Variants in COL4A1 observed in about 807,000 individuals in gnomAD.
COL4A1 encodes the protein collagen alpha-1(IV) chain.
A neutral mutation model predicts 216.6 loss-of-function variants in COL4A1; 40 were observed. The observed-to-expected ratio is 0.18, with a 90% confidence interval of 0.14 to 0.24. The LOEUF (loss-of-function observed/expected upper bound fraction) is 0.24. Among genes scored for constraint, COL4A1 ranks in the 10% least tolerant of loss-of-function variants. The pLI, the probability that COL4A1 is intolerant of heterozygous loss-of-function variation, is 1.00. For missense variants in COL4A1, 1,628 were observed against 2,196.8 expected, an observed-to-expected ratio of 0.74 and a Z score of 5.18; for synonymous variants, 839 against 810.7, an observed-to-expected ratio of 1.03 and a Z score of -0.59.
chr13:110,252,917 G>A (rs1338452634), intron 1 of COL4A1, among the ~76,000 whole-genome samples: 6 of 5,394 alleles, frequency 1.1e-3, no homozygotes, highest in African/African-American at 3.0e-3. Flanking sequence ...ATAACTATAA[G>A]TACGTATGTA....
intron 1 of COL4A1, among the ~76,000 whole-genome samples, chr13:110,248,882 C>T (rs1213139797): frequency 1.3e-5 from 2 of 152,170 alleles, no homozygotes; most frequent in Admixed American, 6.5e-5. Flanking sequence ...ATGCAGCAGG[C>T]ACTCACACTT....
chr13:110,257,839 C>T (rs1882646655), intron 1 of COL4A1, among the ~76,000 whole-genome samples: 1 of 152,222 alleles, frequency 6.6e-6, no homozygotes, highest in Non-Finnish European at 1.5e-5. Context: ...GCTACAACTT[C>T]AGGAACTCTT....
chr13:110,189,958 T>C (rs1878561290), intron 24 of COL4A1, among the ~76,000 whole-genome samples: 1 of 152,170 alleles, frequency 6.6e-6, no homozygotes, highest in Non-Finnish European at 1.5e-5. Flanking sequence ...GCAATATTCA[T>C]CCATTAAAAA....
intron 26 of COL4A1, among the ~76,000 whole-genome samples, chr13:110,184,315 G>A (rs918395043): frequency 1.3e-5 from 2 of 152,150 alleles, no homozygotes; most frequent in Non-Finnish European, 2.9e-5. Flanking sequence ...CAAAAGAAAA[G>A]CTAATTCCCT....
chr13:110,174,275 C>A (rs952326500), intron 39 of COL4A1, among the ~76,000 whole-genome samples, 171 bp downstream of exon 39: 1 of 152,168 alleles, frequency 6.6e-6, no homozygotes, highest in Non-Finnish European at 1.5e-5. Context: ...AGTGACAAGA[C>A]CTCAGAAAGA....
At chr13:110,198,734 C>T in intron 20 of COL4A1, 103 bp from the exon 21 acceptor site, 1 of 1,484,780 alleles carries the variant, frequency 6.7e-7, no homozygotes, top group South Asian at 1.1e-5. Context: ...TCCAACCAGA[C>T]CATCACTGAA....
intron 15 of COL4A1, 49 bp from the exon 16 acceptor site, chr13:110,205,587 G>T (rs186146235): frequency 1.3e-6 from 2 of 1,599,126 alleles, no homozygotes; most frequent in Non-Finnish European, 1.7e-6. Flanking sequence ...AATAGACTGC[G>T]CGCGGTGGCT....
At chr13:110,163,931 A>G (rs989582731) in intron 46 of COL4A1, among the ~76,000 whole-genome samples, 21 of 149,322 alleles carry the variant, frequency 1.4e-4, no homozygotes, top group Non-Finnish European at 2.5e-4. Context: ...CAACATGGAT[A>G]GTTTTTTTGT....
intron 1 of COL4A1, among the ~76,000 whole-genome samples, chr13:110,247,221 A>G (rs61963304): frequency 0.13 from 19,749 of 152,210 alleles, 1,438 homozygotes; most frequent in Non-Finnish European, 0.17. Flanking sequence ...AATGGAAGCC[A>G]AACTGACTTA....
chr13:110,166,153 C>G lies in COL4A1; in HGVS notation c.4021+79G>C. On this transcript the variant is annotated intron_variant, in intron 45 of 51. Coordinates refer to ENST00000375820, the MANE Select transcript of COL4A1 (RefSeq NM_001845.6). ...CATTTCACATATGAAAAACCAAACACCCCAATTCTGTGCATTCCTGGCTTT... is the reference window on the plus strand; with the variant it reads ...CATTTCACATATGAAAAACCAAACAGCCCAATTCTGTGCATTCCTGGCTTT... 4 of 869,388 alleles carry G rather than the reference C, an allele frequency of 4.6e-6. No individual in the cohort carries two copies. In the South Asian group the frequency reaches 5.2e-5, roughly 11 times the overall value. The allele number at this position is 869,388 out of a possible 1,614,324, so 53.9% of individuals were successfully genotyped here. A position where few individuals can be genotyped will look rare whatever the true frequency, so the allele number is the denominator to read the frequency against.
At chr13:110,173,814 G>T in intron 40 of COL4A1, 86 bp downstream of exon 40, 1 of 1,511,434 alleles carries the variant, frequency 6.6e-7, no homozygotes, top group Non-Finnish European at 9.2e-7. Context: ...TCTGTGCCCA[G>T]CTTTATTCAC....
intron 5 of COL4A1, 31 bp downstream of exon 5, chr13:110,212,543 A>T (rs200528028): frequency 6.2e-7 from 1 of 1,614,222 alleles, no homozygotes; most frequent in Non-Finnish European, 8.5e-7. Flanking sequence ...AATATTTCAT[A>T]AAAGAAGTAG....
chr13:110,242,649 T>C (rs773784795), intron 2 of COL4A1, 26 bp downstream of exon 2: 1 of 1,613,446 alleles, frequency 6.2e-7, no homozygotes, highest in South Asian at 1.1e-5. Flanking sequence ...CAAAGAAATG[T>C]TGTGATTTAA....
intron 1 of COL4A1, among the ~76,000 whole-genome samples, chr13:110,301,363 T>A (rs74124096): frequency 0.1 from 15,684 of 152,224 alleles, 1,154 homozygotes; most frequent in African/African-American, 0.2. Flanking sequence ...TAAAAAGAAG[T>A]TATGTCCTGG....
chr13:110,242,528 G>A, intron 2 of COL4A1, 147 bp downstream of exon 2: 1 of 859,024 alleles, frequency 1.2e-6, no homozygotes, highest in South Asian at 1.3e-5. Context: ...GTCAAGCCTG[G>A]TTTGGCTTCA....
intron 1 of COL4A1, chr13:110,265,487 G>GCTTT (rs1196786605): frequency 1.3e-5 from 2 of 152,260 alleles, no homozygotes; most frequent in Non-Finnish European, 2.9e-5. Context: ...CGACACATGT[G>GCTTT]CTTTCACCAG....
intron 1 of COL4A1, among the ~76,000 whole-genome samples, chr13:110,249,795 C>T (rs12430280): frequency 0.14 from 20,761 of 152,140 alleles, 1,518 homozygotes; most frequent in South Asian, 0.17. Context: ...ACTTAAAAAA[C>T]AGTAAAATAT....
intron 2 of COL4A1, among the ~76,000 whole-genome samples, chr13:110,220,978 G>C (rs1246564142): frequency 6.6e-6 from 1 of 152,190 alleles, no homozygotes; most frequent in Non-Finnish European, 1.5e-5. Context: ...GGTCCACCCT[G>C]TGCTCAGCGA....
In COL4A1 at chr13:110,172,700, G is replaced by C. The variant is rs770957023; in HGVS notation, c.3556+20C>G. ...AGCAGCGGTTGGTTGAAAAGGAAGA[G>C]CACAGTGAGCAAAGATTACCTTTGT... On this transcript the variant is annotated intron_variant, in intron 41 of 51. Transcript: ENST00000375820. The C allele has an allele frequency of 6.2e-7, 1 of 1,611,898 alleles. No individual in the cohort carries two copies. The highest frequency in any genetic ancestry group is 8.5e-7 in the Non-Finnish European group (1 of 1,177,958).
Sources: gnomAD v4.1 joint callset for allele counts (sites outside exome capture counted in the v4.1 genomes callset) on GRCh38, gnomAD v4.1.1 for gene constraint, MANE v1.5 for transcripts, NCBI Gene and HGNC (gene_info 2026-07-23, HGNC 2026-07-21) for gene names.